Variants in ZNF106 observed in about 807,000 individuals in gnomAD.
The protein encoded by ZNF106 is SH3-domain binding protein 3.
Under a neutral mutation model 195.1 loss-of-function variants are expected in ZNF106, and 67 were observed. The observed-to-expected ratio is 0.34, with a 90% CI of 0.28 to 0.42. ZNF106 has a LOEUF of 0.42. ZNF106 is among the 10% of genes least tolerant of loss of function. ZNF106 has a pLI of 1.00. For missense variants in ZNF106, 2,118 were observed against 2,304.5 expected, an observed-to-expected ratio of 0.92 and a Z score of 1.66; for synonymous variants, 784 against 818.6, an observed-to-expected ratio of 0.96 and a Z score of 0.72.
At position 42,428,130 on chromosome 15, in the gene ZNF106, C is replaced by A; in HGVS notation, c.4886G>T (p.Arg1629Leu). The A allele has an allele frequency of 1.2e-6, 2 of 1,613,774 alleles. No individual in the cohort carries two copies. Among genetic ancestry groups the A allele is most frequent in the South Asian group, 1.1e-5 (1 of 91,062 alleles). Reference protein sequence around the residue: ...HTIRCYNVKSRECVEQLQLED... With the variant: ...HTIRCYNVKSLECVEQLQLED... ...CAGCTGTAACTGCTCCACACACTCTCGGCTCTGATAAAAGCACACAACCTT... is the reference window on the plus strand; with the variant it reads ...CAGCTGTAACTGCTCCACACACTCTAGGCTCTGATAAAAGCACACAACCTT... Residue 1629 changes from arginine (R) to leucine (L), a missense_variant, in exon 15 of 22, where the codon CGA becomes CTA. Coordinates refer to ENST00000564754, the MANE Select transcript of ZNF106 (RefSeq NM_001366845.3).
rs200268018 is a variant in ZNF106, at chr15:42,435,511, T to A, written c.4754A>T (p.Lys1585Ile). The change falls in exon 14 of 22, where the codon AAA (lysine) becomes ATA (isoleucine). Residue 1585 changes from lysine (K) to isoleucine (I), a missense_variant. Lys to Ile is a moderately radical substitution (Grantham distance 102). Coordinates refer to ENST00000564754, the MANE Select transcript of ZNF106 (RefSeq NM_001366845.3). The part of the protein sequence containing the change: ...TVRVYNLVSR[K>I]CIGVFEGHTS... Reference sequence around the variant, plus strand: ...ATGACCCTCAAAGACACCAATACATTTCCGACTCTAAAGTTTAAGCACAGA... The same window carrying A: ...ATGACCCTCAAAGACACCAATACATATCCGACTCTAAAGTTTAAGCACAGA... 2.5e-6 allele frequency: 4 copies of A among 1,614,114 alleles called. No homozygotes were observed. The highest frequency in any genetic ancestry group is 2.5e-6 in the Non-Finnish European group (3 of 1,180,028).
intron 1 of ZNF106, among the ~76,000 whole-genome samples, chr15:42,485,215 GATAATT>G (rs145481970): frequency 4.1e-4 from 63 of 152,268 alleles, no homozygotes; most frequent in African/African-American, 1.4e-3. Flanking sequence ...TTGAGGCTCA[GATAATT>G]ATAAACAGAT....
intron 1 of ZNF106, among the ~76,000 whole-genome samples, chr15:42,488,871 G>A (rs370701606): frequency 9.2e-5 from 14 of 152,142 alleles, no homozygotes; most frequent in African/African-American, 3.4e-4. Context: ...AAGGTCAGGA[G>A]TTCAAGACCA....
rs746291732 is a variant in ZNF106, at chr15:42,442,331, T to C, written c.3505A>G (p.Ile1169Val). The change falls in exon 10 of 22, where the codon ATT becomes GTT. Residue 1169 changes from isoleucine (I) to valine (V), a missense_variant. Ile to Val is a conservative substitution (Grantham distance 29). Transcript: ENST00000564754. ...GGAGTGGGCAGCAGTGCGGCATCAATGGATGTTTGAGATCTACTGTTCCTT... is the reference window on the plus strand; with the variant it reads ...GGAGTGGGCAGCAGTGCGGCATCAACGGATGTTTGAGATCTACTGTTCCTT... ...ERRNSRSQTSIDAALLPTPFF... is the reference protein window; with the variant it reads ...ERRNSRSQTSVDAALLPTPFF... The C allele has an allele frequency of 6.2e-7, 1 of 1,614,176 alleles. No individual in the cohort carries two copies. The highest frequency in any genetic ancestry group is 1.1e-5 in the South Asian group (1 of 91,090).
At chr15:42,419,508 C>T (rs2054578954) in intron 20 of ZNF106, among the ~76,000 whole-genome samples, 1 of 151,864 alleles carries the variant, frequency 6.6e-6, no homozygotes, top group Non-Finnish European at 1.5e-5. Context: ...CACACCGCTG[C>T]ACTCCCGCCT....
chr15:42,476,490 A>G (rs905214893), intron 1 of ZNF106, among the ~76,000 whole-genome samples: 1 of 152,202 alleles, frequency 6.6e-6, no homozygotes. Flanking sequence ...TAGTCACCTT[A>G]CACTGGTTTT....
rs777463095 is a variant in ZNF106 at position 42,450,750 on chromosome 15, C to T, written c.1522G>A (p.Glu508Lys). The change falls in exon 5 of 22, where the codon GAA becomes AAA. Residue 508 changes from glutamate (E) to lysine (K), a missense_variant. Coordinates refer to ENST00000564754, the MANE Select transcript of ZNF106 (RefSeq NM_001366845.3). The stretch of plus-strand genomic sequence containing the variant: ...GGCTTGTTCGAGGGATTTGAGTGTT[C>T]TCCAGGGGAAAAAAAATTTGTTTTG... ...NTKTNFFSPG[E>K]HSNPSNKPTV... 2 of 1,614,080 alleles carry T rather than the reference C, an allele frequency of 1.2e-6. No individual in the cohort carries two copies. The highest frequency in any genetic ancestry group is 2.2e-5 in the South Asian group (2 of 91,074).
At chr15:42,468,483 G>A (rs939360536) in intron 2 of ZNF106, among the ~76,000 whole-genome samples, 37 of 151,928 alleles carry the variant, frequency 2.4e-4, no homozygotes, top group Admixed American at 1.9e-3. Flanking sequence ...GGTGGCTCAC[G>A]CCTATAATCC....
intron 21 of ZNF106, 145 bp from the exon 22 acceptor site, chr15:42,417,505 G>T (rs1043309350): frequency 2.2e-6 from 2 of 903,360 alleles, no homozygotes; most frequent in Non-Finnish European, 3.3e-6. Context: ...GCTAACTTAC[G>T]TGAAACCATG....
intron 19 of ZNF106, 135 bp downstream of exon 19, chr15:42,421,782 T>C: frequency 1.7e-6 from 1 of 582,380 alleles, no homozygotes. Context: ...CCTGGTTACT[T>C]CCCTATTATG....
At position 42,416,238 on chromosome 15, in the gene ZNF106, G is replaced by A. The variant is rs2054455479; in HGVS notation, c.*1066C>T. 6.6e-6 allele frequency: 1 copy of A among 152,212 alleles called. No individual in the cohort carries two copies. The highest frequency in any genetic ancestry group is 2.1e-4 in the South Asian group (1 of 4,834). 9.4% of individuals were successfully genotyped at this position (152,212 alleles called of 1,614,324 possible). A position where few individuals can be genotyped will look rare whatever the true frequency, so the allele number is the denominator to read the frequency against. ...AGGCAAAGAACTGTCTCAGAAACAA[G>A]TCTCTAGGAAGTCTGCTTGAGGTCC... On this transcript the variant is annotated 3_prime_UTR_variant, in exon 22 of 22. Coordinates refer to ENST00000564754, the MANE Select transcript of ZNF106 (RefSeq NM_001366845.3).
chr15:42,441,404 G>A (rs548727327), intron 10 of ZNF106, among the ~76,000 whole-genome samples: 1 of 152,072 alleles, frequency 6.6e-6, no homozygotes, highest in Admixed American at 6.6e-5. Context: ...ACATAGTACT[G>A]GTAGTAAAAT....
chr15:42,476,379 A>C (rs2056785459), intron 1 of ZNF106, among the ~76,000 whole-genome samples: 1 of 152,192 alleles, frequency 6.6e-6, no homozygotes, highest in Non-Finnish European at 1.5e-5. Flanking sequence ...AAGCCAAGGA[A>C]ATACAAACCA....
chr15:42,447,040 C>A (rs2055799960), intron 6 of ZNF106, among the ~76,000 whole-genome samples: 1 of 152,208 alleles, frequency 6.6e-6, no homozygotes, highest in Admixed American at 6.5e-5. Flanking sequence ...ACCTTTACAA[C>A]AAAAAGCTTA....
chr15:42,437,237 G>C lies in ZNF106; in HGVS notation c.4741C>G (p.Leu1581Val), dbSNP rs1237669462. 9 of 1,610,474 alleles carry C rather than the reference G, an allele frequency of 5.6e-6. No homozygotes were observed. Among genetic ancestry groups the C allele is most frequent in the Admixed American group, 1.7e-5 (1 of 59,232 alleles). ...SADKTVRVYN[L>V]VSRKCIGVFE... The stretch of plus-strand genomic sequence containing the variant: ...TACATGTTCTATCAACTTACCACCA[G>C]ATTATAAACCCGAACAGTTTTATCT... The change falls in exon 13 of 22, where the codon CTG becomes GTG. Residue 1581 changes from leucine (L) to valine (V), a missense_variant. Leu to Val is a conservative substitution (Grantham distance 32). Coordinates refer to ENST00000564754, the MANE Select transcript of ZNF106 (RefSeq NM_001366845.3).
chr15:42,439,861 C>A (rs774293145), intron 10 of ZNF106, 48 bp from the exon 11 acceptor site: 2 of 1,468,826 alleles, frequency 1.4e-6, no homozygotes, highest in Admixed American at 4.9e-5. Flanking sequence ...GTGTTTGCTG[C>A]AATTTATCAC....
chr15:42,428,786 C>T (rs1566998943), intron 14 of ZNF106, among the ~76,000 whole-genome samples: 1 of 152,102 alleles, frequency 6.6e-6, no homozygotes, highest in East Asian at 1.9e-4. Flanking sequence ...CTTTTTGAGA[C>T]GGAGTCCTGC....
intron 7 of ZNF106, 120 bp from the exon 8 acceptor site, chr15:42,445,101 C>T (rs2055719682): frequency 1.7e-6 from 2 of 1,186,074 alleles, no homozygotes; most frequent in East Asian, 5.1e-5. Context: ...CTCAGTAGGT[C>T]ATTGGAAATT....
intron 14 of ZNF106, among the ~76,000 whole-genome samples, chr15:42,428,538 C>T (rs1003745422): frequency 2.6e-5 from 4 of 152,068 alleles, no homozygotes; most frequent in Non-Finnish European, 4.4e-5. Context: ...TGTGGTTTTC[C>T]GCACATGATT....
Sources: gnomAD v4.1 joint callset for allele counts (sites outside exome capture counted in the v4.1 genomes callset) on GRCh38, gnomAD v4.1.1 for gene constraint, MANE v1.5 for transcripts, NCBI Gene and HGNC (gene_info 2026-07-23, HGNC 2026-07-21) for gene names.